The following LINGO2 variants were observed in gnomAD, a reference collection of about 807,000 sequenced individuals.
LINGO2 encodes the protein leucine-rich repeat and immunoglobulin-like domain-containing nogo receptor-interacting protein 2.
In LINGO2, 14 loss-of-function variants were observed where a neutral mutation model predicts 30.6. That is an observed-to-expected ratio of 0.46 (90% CI 0.30 to 0.72). LINGO2 has a LOEUF of 0.72. Among genes scored for constraint, LINGO2 ranks in the 30% least tolerant of loss-of-function variants. The probability of loss-of-function intolerance (pLI) is 0.07; values close to 1 mark genes in which losing one functional copy is unlikely to be tolerated. For synonymous variants in LINGO2, 317 were observed against 288.5 expected (o/e 1.10, Z -1.00); for missense variants, 729 against 751.7 (o/e 0.97, Z 0.35).
rs533206584 is a variant in LINGO2, at chr9:28,652,290, T to C, written c.-365+17910A>G. 2.0e-5 allele frequency among the ~76,000 whole-genome samples: 3 copies of C among 152,172 alleles called. No individual in the cohort carries two copies. The East Asian group carries it at 5.8e-4, about 29-fold the overall frequency. On this transcript the variant is annotated intron_variant, in intron 1 of 5. Coordinates refer to ENST00000379992, the Ensembl canonical transcript of LINGO2. ...TCAATGTCTTTTCATAGACTATTAA[T>C]TGTGATTTTTTCTTCATTTATAAGA...
Position 28,027,126 on chromosome 9 carries a change from A to G in LINGO2, c.-86-14721T>C, listed in dbSNP as rs529701132. Reference sequence around the variant, plus strand: ...ACAGATGAAAGTCACTGAACACTATATTTTGCCTCTTGTATAACAGTAACA... The same window carrying G: ...ACAGATGAAAGTCACTGAACACTATGTTTTGCCTCTTGTATAACAGTAACA... On this transcript the variant is annotated intron_variant, in intron 4 of 5. Coordinates refer to ENST00000379992, the Ensembl canonical transcript of LINGO2. Among the ~76,000 whole-genome samples, 3 of 152,278 alleles carry G rather than the reference A, an allele frequency of 2.0e-5. No individual in the cohort carries two copies. The South Asian group carries it at 6.2e-4, about 32-fold the overall frequency.
the LINGO2 span, among the ~76,000 whole-genome samples, chr9:28,960,808 C>T: frequency 8.1e-6 from 1 of 122,838 alleles, no homozygotes; most frequent in Non-Finnish European, 1.8e-5. Flanking sequence ...GTCATCAGAA[C>T]AGTCCATATT....
chr9:28,933,653 T>C, the LINGO2 span, among the ~76,000 whole-genome samples: 1 of 149,614 alleles, frequency 6.7e-6, no homozygotes, highest in East Asian at 2.0e-4. Context: ...GAAAAGAGAG[T>C]TCTCAAGCTT....
the LINGO2 span, among the ~76,000 whole-genome samples, chr9:29,083,638 A>T: frequency 6.9e-6 from 1 of 144,628 alleles, no homozygotes; most frequent in Non-Finnish European, 1.5e-5. Context: ...TAAATTCTAC[A>T]GAAATGAAAA....
chr9:27,948,666 C>T, exon 6 of LINGO2: 1 of 690,020 alleles, frequency 1.4e-6, no homozygotes. Flanking sequence ...AGGGCTCTGA[C>T]ACATGCCTGC....
chr9:28,495,592 C>T (rs1160547853), intron 1 of LINGO2, among the ~76,000 whole-genome samples: 1 of 152,070 alleles, frequency 6.6e-6, no homozygotes, highest in Non-Finnish European at 1.5e-5. Flanking sequence ...GTTTTGATAC[C>T]AGTACCATGC....
intron 4 of LINGO2, among the ~76,000 whole-genome samples, chr9:28,079,231 A>T (rs1825708875): frequency 6.6e-6 from 1 of 152,184 alleles, no homozygotes; most frequent in African/African-American, 2.4e-5. Context: ...TAGCACTTGA[A>T]TATAAACATG....
At chr9:28,957,140 A>G in the LINGO2 span, among the ~76,000 whole-genome samples, 3 of 152,118 alleles carry the variant, frequency 2.0e-5, no homozygotes, top group Non-Finnish European at 4.4e-5. Flanking sequence ...AGAATAGCCT[A>G]TTACTTAGTC....
At chr9:28,851,538 C>T in the LINGO2 span, among the ~76,000 whole-genome samples, 4 of 152,036 alleles carry the variant, frequency 2.6e-5, no homozygotes, top group African/African-American at 9.7e-5. Context: ...TGTAAAGTAA[C>T]ATATTCACAG....
At chr9:28,902,817 A>C in the LINGO2 span, among the ~76,000 whole-genome samples, 4 of 152,100 alleles carry the variant, frequency 2.6e-5, no homozygotes, top group South Asian at 2.1e-4. Flanking sequence ...AGATATTAAA[A>C]ATATCCTGAG....
chr9:28,970,281 G>T, the LINGO2 span, among the ~76,000 whole-genome samples: 9 of 152,284 alleles, frequency 5.9e-5, no homozygotes, highest in African/African-American at 1.9e-4. Context: ...TTAGGAAAAG[G>T]AAGACATTTC....
At chr9:28,318,643 T>C (rs3849953) in intron 3 of LINGO2, among the ~76,000 whole-genome samples, 34,289 of 152,118 alleles carry the variant, frequency 0.23, 4,242 homozygotes, top group South Asian at 0.35. Context: ...GAGAGATCAA[T>C]TGTTGTATTG....
chr9:28,218,223 A>G (rs973872349), intron 4 of LINGO2, among the ~76,000 whole-genome samples: 3 of 151,086 alleles, frequency 2.0e-5, no homozygotes, highest in African/African-American at 7.3e-5. Flanking sequence ...ATATAGTAAT[A>G]CAATAACTCT....
intron 4 of LINGO2, among the ~76,000 whole-genome samples, chr9:28,253,857 G>GA (rs1274482814): frequency 6.6e-6 from 1 of 152,064 alleles, no homozygotes; most frequent in Non-Finnish European, 1.5e-5. Context: ...TACACACTGG[G>GA]AAAAATGTGC....
chr9:28,258,932 A>AC (rs397762213), intron 4 of LINGO2, among the ~76,000 whole-genome samples: 3 of 151,610 alleles, frequency 2.0e-5, no homozygotes, highest in South Asian at 2.1e-4. Context: ...AAAAAAAAAA[A>AC]CATTAAGTTT....
chr9:28,992,466 G>T, the LINGO2 span, among the ~76,000 whole-genome samples: 1 of 130,366 alleles, frequency 7.7e-6, no homozygotes, highest in Admixed American at 7.7e-5. Flanking sequence ...ATGAGACAAA[G>T]TTAACAAGGA....
At chr9:28,444,815 C>A (rs960083324) in intron 2 of LINGO2, among the ~76,000 whole-genome samples, 1 of 152,202 alleles carries the variant, frequency 6.6e-6, no homozygotes, top group Non-Finnish European at 1.5e-5. Context: ...CCCACACTCA[C>A]TTACTTACAT....
chr9:28,632,225 T>C (rs1241190075), intron 1 of LINGO2, among the ~76,000 whole-genome samples: 1 of 151,998 alleles, frequency 6.6e-6, no homozygotes, highest in African/African-American at 2.4e-5. Context: ...GAATCTATAA[T>C]GAAGACAGAA....
At chr9:28,921,696 T>C in the LINGO2 span, among the ~76,000 whole-genome samples, 1 of 152,204 alleles carries the variant, frequency 6.6e-6, no homozygotes, top group Non-Finnish European at 1.5e-5. Flanking sequence ...AACCAGCACG[T>C]CAGTAACTTC....
Sources: gnomAD v4.1 joint callset for allele counts (sites outside exome capture counted in the v4.1 genomes callset) on GRCh38, gnomAD v4.1.1 for gene constraint, MANE v1.5 for transcripts, NCBI Gene and HGNC (gene_info 2026-07-23, HGNC 2026-07-21) for gene names.